Variants in CHL1 observed in about 807,000 individuals in gnomAD.
CHL1 encodes the protein cell adhesion molecule L1 like.
A neutral mutation model predicts 141.9 loss-of-function variants in CHL1; 96 were observed. The observed-to-expected ratio is 0.68, with a 90% CI of 0.57 to 0.80. The LOEUF is 0.80. Among genes scored for constraint, CHL1 ranks in the 30% least tolerant of loss-of-function variants. The probability of loss-of-function intolerance (pLI) is 0.00; values close to 1 mark genes in which losing one functional copy is unlikely to be tolerated. For synonymous variants in CHL1, 613 were observed against 502.2 expected (o/e 1.22, Z -2.95); for missense variants, 1,820 against 1,457.2 (o/e 1.25, Z -4.05).
chr3:385,766 T>A (rs867844114), intron 19 of CHL1: 18 of 143,404 alleles, frequency 1.3e-4, no homozygotes, highest in African/African-American at 4.5e-4. Context: ...AGGTGGAGGT[T>A]ACAGTGAGTT....
rs1451920556 is a variant in CHL1 at position 236,625 on chromosome 3, TG to T, written c.-174-7986del. Reference sequence around the variant, plus strand: ...GTACGATTTGCCCTCAATTTATTTCTGGAGGATTTCCTGTCTTCCAAGTTGT... The same window carrying T: ...GTACGATTTGCCCTCAATTTATTTCTGAGGATTTCCTGTCTTCCAAGTTGT... On this transcript the variant is annotated intron_variant, in intron 1 of 27. Coordinates refer to ENST00000256509, the MANE Select transcript of CHL1 (RefSeq NM_006614.4). Among the ~76,000 whole-genome samples the T allele has an allele frequency of 2.6e-5, 4 of 152,224 alleles. No individual in the cohort carries two copies. In the East Asian group the frequency reaches 7.7e-4, roughly 29 times the overall value.
At position 407,390 on chromosome 3, in the gene CHL1, T is replaced by A. The variant is rs535554775; in HGVS notation, c.*1679T>A. 10 of 152,222 alleles carry A rather than the reference T, an allele frequency of 6.6e-5. No individual in the cohort carries two copies. The highest frequency in any genetic ancestry group is 2.2e-4 in the African/African-American group (9 of 41,562). 9.4% of individuals were successfully genotyped at this position (152,222 alleles called of 1,614,324 possible). On this transcript the variant is annotated 3_prime_UTR_variant, in exon 28 of 28. Coordinates refer to ENST00000256509, the MANE Select transcript of CHL1 (RefSeq NM_006614.4). ...TTGTCCTTTTGAACCTCACGAGTCATCCAGAATGTATAGACAGGAAAAGCA... is the reference window on the plus strand; with the variant it reads ...TTGTCCTTTTGAACCTCACGAGTCAACCAGAATGTATAGACAGGAAAAGCA...
chr3:220,474 C>T (rs1700733114), intron 1 of CHL1, among the ~76,000 whole-genome samples: 1 of 151,928 alleles, frequency 6.6e-6, no homozygotes, highest in African/African-American at 2.4e-5. Flanking sequence ...TGTCTTGAGC[C>T]ACACATAAAA....
chr3:218,428 T>C (rs936694534), intron 1 of CHL1, among the ~76,000 whole-genome samples: 2 of 152,230 alleles, frequency 1.3e-5, no homozygotes, highest in Admixed American at 6.5e-5. Flanking sequence ...AATATACTTT[T>C]GTGTATCATA....
chr3:225,221 G>A (rs1286741926), intron 1 of CHL1, among the ~76,000 whole-genome samples: 1 of 152,142 alleles, frequency 6.6e-6, no homozygotes, highest in Non-Finnish European at 1.5e-5. Context: ...TATAATTATT[G>A]CCCACTGAGT....
At chr3:274,506 T>TAACG (rs1559366598) in intron 2 of CHL1, among the ~76,000 whole-genome samples, 2 of 152,172 alleles carry the variant, frequency 1.3e-5, no homozygotes, top group Non-Finnish European at 2.9e-5. Flanking sequence ...GGGAAATAAC[T>TAACG]GCTTTTCAAG....
chr3:225,880 G>A (rs1701288005), intron 1 of CHL1, among the ~76,000 whole-genome samples: 1 of 151,826 alleles, frequency 6.6e-6, no homozygotes, highest in Non-Finnish European at 1.5e-5. Context: ...GTGGTGGCAG[G>A]CACCTGTAGT....
intron 1 of CHL1, among the ~76,000 whole-genome samples, chr3:209,562 T>C (rs914190402): frequency 2.0e-5 from 3 of 152,094 alleles, no homozygotes; most frequent in African/African-American, 4.8e-5. Context: ...AGAACCCTAA[T>C]CTTTTTTTTG....
intron 2 of CHL1, among the ~76,000 whole-genome samples, chr3:267,220 T>C (rs1695233064): frequency 6.6e-6 from 1 of 152,172 alleles, no homozygotes; most frequent in African/African-American, 2.4e-5. Context: ...GTTAAGCAGC[T>C]TTACTTGGAA....
intron 1 of CHL1, among the ~76,000 whole-genome samples, chr3:210,187 G>A (rs928346990): frequency 6.6e-6 from 1 of 152,226 alleles, no homozygotes; most frequent in African/African-American, 2.4e-5. Context: ...TATTCTGAAT[G>A]TAGCAAAGTA....
At chr3:361,886 A>G in intron 13 of CHL1, 76 bp downstream of exon 13, 1 of 1,015,624 alleles carries the variant, frequency 9.8e-7, no homozygotes. Context: ...CCGTCATTTG[A>G]CAGGCTGTAT....
intron 1 of CHL1, among the ~76,000 whole-genome samples, chr3:237,287 C>T (rs1692087853): frequency 6.6e-6 from 1 of 152,172 alleles, no homozygotes; most frequent in Admixed American, 6.5e-5. Context: ...TCTCTGCTGC[C>T]ACCATGCAAG....
chr3:246,226 A>G (rs376831622), intron 2 of CHL1, among the ~76,000 whole-genome samples: 2 of 152,222 alleles, frequency 1.3e-5, no homozygotes, highest in South Asian at 2.1e-4. Flanking sequence ...TCATACTACT[A>G]TGAGAAACTG....
At chr3:300,783 CA>C (rs545893194) in intron 2 of CHL1, among the ~76,000 whole-genome samples, 4 of 150,336 alleles carry the variant, frequency 2.7e-5, no homozygotes, top group East Asian at 1.9e-4. Context: ...AAAAGTGCAA[CA>C]AAAAAAAGAG....
chr3:240,566 G>C (rs1692458665), intron 1 of CHL1, among the ~76,000 whole-genome samples: 1 of 152,146 alleles, frequency 6.6e-6, no homozygotes, highest in Non-Finnish European at 1.5e-5. Context: ...TTATTCTGCT[G>C]ACTGTTCATT....
intron 2 of CHL1, among the ~76,000 whole-genome samples, chr3:252,083 A>G (rs1158979545): frequency 6.6e-6 from 1 of 152,002 alleles, no homozygotes; most frequent in Non-Finnish European, 1.5e-5. Context: ...AATTTGTGTT[A>G]CTTGTTTCTT....
chr3:387,694 C>G (rs770867074), intron 19 of CHL1, among the ~76,000 whole-genome samples: 49 of 152,182 alleles, frequency 3.2e-4, no homozygotes, highest in Admixed American at 5.9e-4. Context: ...ACTACAAGCC[C>G]ATGGCCTAAT....
At chr3:270,254 T>A (rs1035453626) in intron 2 of CHL1, among the ~76,000 whole-genome samples, 1 of 152,110 alleles carries the variant, frequency 6.6e-6, no homozygotes, top group Non-Finnish European at 1.5e-5. Context: ...TGTGGAAAAC[T>A]GTGTTTGAAG....
intron 2 of CHL1, among the ~76,000 whole-genome samples, chr3:285,947 G>A (rs932323632): frequency 2.6e-5 from 4 of 152,020 alleles, no homozygotes; most frequent in Non-Finnish European, 5.9e-5. Flanking sequence ...TCTGCATTTT[G>A]TTTCTCTCTG....
Sources: allele counts gnomAD v4.1 joint callset (sites outside exome capture counted in the v4.1 genomes callset), GRCh38; gene constraint gnomAD v4.1.1; transcripts MANE v1.5; gene names NCBI Gene and HGNC (gene_info 2026-07-23, HGNC 2026-07-21).